The following DCAF12 variants were observed in gnomAD, a reference collection of about 807,000 sequenced individuals.
The protein encoded by DCAF12 is DDB1 and CUL4 associated factor 12.
A neutral mutation model predicts 52.8 loss-of-function variants in DCAF12; 28 were observed. The observed-to-expected ratio is 0.53, with a 90% CI of 0.39 to 0.73. The LOEUF (loss-of-function observed/expected upper bound fraction) is 0.73. Among genes scored for constraint, DCAF12 ranks in the 30% least tolerant of loss-of-function variants. The pLI is 0.00. For missense variants in DCAF12, 425 were observed against 552.2 expected (o/e 0.77, Z 2.31); for synonymous variants, 196 against 215.5 (o/e 0.91, Z 0.79).
intron 2 of DCAF12, among the ~76,000 whole-genome samples, chr9:34,114,626 A>T (rs909669453): frequency 3.9e-5 from 6 of 152,152 alleles, no homozygotes; most frequent in Admixed American, 1.3e-4. Flanking sequence ...GCTCCACATT[A>T]ACCTACTGGG....
At chr9:34,109,471 A>G (rs1296442563) in intron 2 of DCAF12, 1 of 174,074 alleles carries the variant, frequency 5.7e-6, no homozygotes, top group African/African-American at 2.4e-5. Context: ...CAATGAACAA[A>G]GTAGCTGCTG....
chr9:34,111,616 T>G (rs1829004761), intron 2 of DCAF12, among the ~76,000 whole-genome samples: 1 of 152,144 alleles, frequency 6.6e-6, no homozygotes, highest in Admixed American at 6.5e-5. Flanking sequence ...GGCCCCCACA[T>G]CCCTGTGAGG....
At chr9:34,091,979 G>C (rs1828652383) in intron 7 of DCAF12, among the ~76,000 whole-genome samples, 1 of 152,066 alleles carries the variant, frequency 6.6e-6, no homozygotes, top group Admixed American at 6.6e-5. Flanking sequence ...AGGGTTCTTG[G>C]TATGATGAAA....
In DCAF12 at chr9:34,093,460, GGA is replaced by G; in HGVS notation, c.862-14_862-13del. 6.2e-7 allele frequency: 1 copy of G among 1,613,744 alleles called. No individual in the cohort carries two copies. The highest frequency in any genetic ancestry group is 8.5e-7 in the Non-Finnish European group (1 of 1,179,734). ...TTGGTGGAGAGGAGCTGAAAATAGA[GGA>G]GAGATATAACCATGGCATCAGCAGA... On this transcript the variant is annotated splice_polypyrimidine_tract_variant and intron_variant, in intron 6 of 8. Coordinates refer to ENST00000361264, the MANE Select transcript of DCAF12 (RefSeq NM_015397.4).
rs570514105 is a variant in DCAF12, at chr9:34,115,590, T to G, written c.334-8025A>C. ...CTCCAGCCTGGCGACAGAGCAAGAC[T>G]TCGTCTCAAAAAAAAAAAAGTATAT... On this transcript the variant is annotated intron_variant, in intron 2 of 8. Coordinates refer to ENST00000361264, the MANE Select transcript of DCAF12 (RefSeq NM_015397.4). 2.3e-3 allele frequency among the ~76,000 whole-genome samples: 339 copies of G among 144,392 alleles called. 1 individual carries two copies. The highest frequency in any genetic ancestry group is 8.0e-3 in the African/African-American group (321 of 40,000). The allele number at this position is 144,392 out of a possible 152,430, so 94.7% of individuals were successfully genotyped here.
intron 4 of DCAF12, among the ~76,000 whole-genome samples, chr9:34,100,137 T>G (rs1008425181): frequency 9.9e-5 from 15 of 150,898 alleles, no homozygotes; most frequent in African/African-American, 3.4e-4. Context: ...TGGGCCTAAG[T>G]GATCCTCCTG....
At chr9:34,091,705 A>G (rs1828647945) in intron 7 of DCAF12, among the ~76,000 whole-genome samples, 1 of 151,872 alleles carries the variant, frequency 6.6e-6, no homozygotes, top group South Asian at 2.1e-4. Context: ...GTATCTGCAC[A>G]GGAATAAACA....
chr9:34,116,799 G>C (rs1354380137), intron 2 of DCAF12, among the ~76,000 whole-genome samples: 1 of 152,054 alleles, frequency 6.6e-6, no homozygotes, highest in Non-Finnish European at 1.5e-5. Flanking sequence ...TGGCCAACAT[G>C]GCGAAACGCC....
Position 34,088,464 on chromosome 9 carries a change from G to T in DCAF12, c.1248C>A (p.Phe416Leu). The T allele has an allele frequency of 6.2e-7, 1 of 1,614,234 alleles. No homozygotes were observed. The highest frequency in any genetic ancestry group is 8.5e-7 in the Non-Finnish European group (1 of 1,180,040). ...AGTGGGTGTAAACAGCATTGGGGAAGAAGTCAATGTCTGAAAAGTAATTCC... is the reference window on the plus strand; with the variant it reads ...AGTGGGTGTAAACAGCATTGGGGAATAAGTCAATGTCTGAAAAGTAATTCC... ...TWRNYFSDID[F>L]FPNAVYTHCY... The change falls in exon 9 of 9, where the codon TTC (phenylalanine) becomes TTA (leucine). Residue 416 changes from phenylalanine to leucine, a missense_variant. This residue lies in a region of DCAF12 where 328 missense variants were observed against 444.4 expected (regional missense o/e 0.74). Transcript: ENST00000361264.
intron 2 of DCAF12, chr9:34,110,101 G>C (rs1828975532): frequency 6.6e-6 from 1 of 151,770 alleles, no homozygotes; most frequent in African/African-American, 2.4e-5. Context: ...AAGAGTGTCA[G>C]AGACTGAGTG....
chr9:34,098,281 A>G lies in DCAF12; in HGVS notation c.795+43T>C, dbSNP rs1467507373. Reference sequence around the variant, plus strand: ...AAAGGAGTGCATATCCCAAGACATAAGCAAGAGGAATACACGTCAGGGATC... The same window carrying G: ...AAAGGAGTGCATATCCCAAGACATAGGCAAGAGGAATACACGTCAGGGATC... On this transcript the variant is annotated intron_variant, in intron 5 of 8. Coordinates refer to ENST00000361264, the MANE Select transcript of DCAF12 (RefSeq NM_015397.4). The G allele has an allele frequency of 3.2e-6, 5 of 1,585,892 alleles. No individual in the cohort carries two copies. In the African/African-American group the frequency reaches 6.7e-5, roughly 21 times the overall value.
chr9:34,117,871 G>A (rs1048781598), intron 2 of DCAF12, among the ~76,000 whole-genome samples: 2 of 152,056 alleles, frequency 1.3e-5, no homozygotes, highest in Non-Finnish European at 2.9e-5. Flanking sequence ...CCGAGATCGC[G>A]CCATCACACT....
At chr9:34,112,743 A>G (rs940207773) in intron 2 of DCAF12, among the ~76,000 whole-genome samples, 2 of 150,410 alleles carry the variant, frequency 1.3e-5, no homozygotes, top group Non-Finnish European at 3.0e-5. Flanking sequence ...TACTAAAAAT[A>G]CAAAATTAGC....
At chr9:34,091,249 C>T (rs1435575985) in intron 7 of DCAF12, among the ~76,000 whole-genome samples, 1 of 151,934 alleles carries the variant, frequency 6.6e-6, no homozygotes, top group Non-Finnish European at 1.5e-5. Context: ...ATCGCTTGAA[C>T]CTGGGAGGCA....
In DCAF12 at chr9:34,101,730, C is replaced by T. The variant is rs907190186; in HGVS notation, c.602-3213G>A. On this transcript the variant is annotated intron_variant, in intron 4 of 8. Coordinates refer to ENST00000361264, the MANE Select transcript of DCAF12 (RefSeq NM_015397.4). ...TTAAGAATGACTGTTCTAGACCGTT[C>T]TTTATTAAGAATTACTGCTCACACC... 2.0e-5 allele frequency among the ~76,000 whole-genome samples: 3 copies of T among 151,794 alleles called. No homozygotes were observed. The East Asian group carries it at 5.8e-4, about 30-fold the overall frequency.
At chr9:34,116,882 G>A (rs1415894052) in intron 2 of DCAF12, among the ~76,000 whole-genome samples, 3 of 152,146 alleles carry the variant, frequency 2.0e-5, no homozygotes, top group Admixed American at 1.3e-4. Context: ...GGGAGGATGA[G>A]GCAGAAGAAT....
rs117914026 is a variant in DCAF12, at chr9:34,097,887, C to T, written c.795+437G>A. The stretch of plus-strand genomic sequence containing the variant: ...GGTGGAGGTTGCTTTGAGCTGAGAT[C>T]GTGCCATTGCACTCCTGCCTAGGTG... On this transcript the variant is annotated intron_variant, in intron 5 of 8. Coordinates refer to ENST00000361264, the MANE Select transcript of DCAF12 (RefSeq NM_015397.4). Among the ~76,000 whole-genome samples, 692 of 149,374 alleles carry T rather than the reference C, an allele frequency of 4.6e-3. 41 individuals are homozygous for T. In the East Asian group the frequency reaches 0.12, roughly 26 times the overall value.
chr9:34,097,240 G>T (rs1316879098), intron 5 of DCAF12, among the ~76,000 whole-genome samples: 5 of 144,334 alleles, frequency 3.5e-5, no homozygotes, highest in Non-Finnish European at 7.6e-5. Context: ...GGCTCTGGGT[G>T]TATATTCTGA....
At chr9:34,114,316 A>G (rs1265416601) in intron 2 of DCAF12, among the ~76,000 whole-genome samples, 3 of 152,140 alleles carry the variant, frequency 2.0e-5, no homozygotes, top group African/African-American at 7.2e-5. Context: ...TAATCCCAGT[A>G]CTTTGGGAGT....
Sources: allele counts gnomAD v4.1 joint callset (sites outside exome capture counted in the v4.1 genomes callset), GRCh38; gene constraint gnomAD v4.1.1; regional missense constraint gnomAD v4.1.1; transcripts MANE v1.5; gene names NCBI Gene and HGNC (gene_info 2026-07-23, HGNC 2026-07-21).